The following VWF variants were observed in gnomAD, a reference collection of about 807,000 sequenced individuals.
VWF encodes Factor VIII related antigen.
VWF carries 176 observed loss-of-function variants against 308.6 expected under a neutral mutation model. The observed-to-expected ratio is 0.57, with a 90% CI of 0.50 to 0.65. VWF has a LOEUF of 0.65. VWF is among the 30% of genes least tolerant of loss of function. The pLI is 0.00. For synonymous variants in VWF, 1,385 were observed against 1,443.4 expected, an observed-to-expected ratio of 0.96 and a Z score of 0.92; for missense variants, 3,146 against 3,648.2, an observed-to-expected ratio of 0.86 and a Z score of 3.55.
intron 31 of VWF, among the ~76,000 whole-genome samples, chr12:6,013,912 A>G (rs1944025448): frequency 6.7e-6 from 1 of 150,108 alleles, no homozygotes; most frequent in Non-Finnish European, 1.5e-5. Flanking sequence ...ATAGACAACA[A>G]ACACACAAAC....
intron 3 of VWF, among the ~76,000 whole-genome samples, chr12:6,120,013 G>A (rs1247495011): frequency 6.6e-6 from 1 of 152,226 alleles, no homozygotes; most frequent in Non-Finnish European, 1.5e-5. Flanking sequence ...TCCCAGCAGA[G>A]TCAGGGCAGG....
At chr12:6,022,313 T>C (rs1944137998) in intron 26 of VWF, among the ~76,000 whole-genome samples, 1 of 152,072 alleles carries the variant, frequency 6.6e-6, no homozygotes, top group African/African-American at 2.4e-5. Flanking sequence ...CTCTTTCTGC[T>C]CTTCTGAATA....
rs773976969 is a variant in VWF at position 6,073,744 on chromosome 12, G to T, written c.875-3C>A. 3 of 1,613,864 alleles carry T rather than the reference G, an allele frequency of 1.9e-6. No individual in the cohort carries two copies. Among genetic ancestry groups the T allele is most frequent in the Non-Finnish European group, 2.5e-6 (3 of 1,179,986 alleles). On this transcript the variant is annotated splice_region_variant and splice_polypyrimidine_tract_variant and intron_variant, in intron 7 of 51. Transcript: ENST00000261405. ...CATACCAGCAGGGCACACTGGGCCT[G>T]AAAAGGAACATCAAAGGGGTCTACC...
In VWF at chr12:6,018,576, A is replaced by G. The variant is rs1335546904; in HGVS notation, c.4842T>C (p.Asp1614=). 8 of 1,587,248 alleles carry G rather than the reference A, an allele frequency of 5.0e-6. No individual in the cohort carries two copies. Among genetic ancestry groups the G allele is most frequent in the Non-Finnish European group, 6.0e-6 (7 of 1,157,050 alleles). Residue 1614 remains aspartate, a synonymous_variant, in exon 28 of 52, where the codon GAT becomes GAC. Transcript: ENST00000261405. ...TGTCTCCAGGCAGCCTCTTGATCTCATCAGAGGCAGGATTTCCGGTGACCA... is the reference window on the plus strand; with the variant it reads ...TGTCTCCAGGCAGCCTCTTGATCTCGTCAGAGGCAGGATTTCCGGTGACCA... The part of the protein sequence containing the change: ...VYMVTGNPAS[D]EIKRLPGDIQ...
At chr12:6,107,611 TGA>T (rs1404932632) in intron 5 of VWF, among the ~76,000 whole-genome samples, 2 of 152,026 alleles carry the variant, frequency 1.3e-5, no homozygotes, top group South Asian at 2.1e-4. Flanking sequence ...CTGGTAAAAA[TGA>T]GAGTCATTAC....
At chr12:6,081,646 T>C (rs1478118321) in intron 6 of VWF, among the ~76,000 whole-genome samples, 1 of 152,158 alleles carries the variant, frequency 6.6e-6, no homozygotes, top group Non-Finnish European at 1.5e-5. Context: ...CCTAAGTCAG[T>C]GGTTCTTAAG....
At chr12:6,062,913 G>C (rs1944670010) in intron 13 of VWF, 41 bp downstream of exon 13, 1 of 1,536,808 alleles carries the variant, frequency 6.5e-7, no homozygotes, top group Non-Finnish European at 8.9e-7. Flanking sequence ...ACTTTGTAAG[G>C]GTCGGGCCGC....
chr12:6,023,871 G>C, intron 24 of VWF, 84 bp from the exon 25 acceptor site: 1 of 1,520,558 alleles, frequency 6.6e-7, no homozygotes, highest in Non-Finnish European at 9.0e-7. Context: ...ATGTTCTGAT[G>C]GTCAATTTAA....
intron 2 of VWF, among the ~76,000 whole-genome samples, chr12:6,122,256 C>T (rs1293061586): frequency 3.9e-5 from 6 of 152,130 alleles, no homozygotes; most frequent in Non-Finnish European, 5.9e-5. Context: ...TAGCATTTTT[C>T]CATGTTTTAA....
chr12:6,058,366 G>A lies in VWF; in HGVS notation c.1534-322C>T, dbSNP rs1944615819. ...AAAGTGACTTGCCTAAGGTCAGGGA[G>A]GTAGTGGCGGAGCTAGGGTGAGTAG... On this transcript the variant is annotated intron_variant, in intron 13 of 51. Coordinates refer to ENST00000261405, the MANE Select transcript of VWF (RefSeq NM_000552.5). The surrounding 1 kb of genome is among the most constrained non-coding windows in gnomAD (Gnocchi z 4.9). Among the ~76,000 whole-genome samples the A allele has an allele frequency of 6.6e-6, 1 of 152,214 alleles. No homozygotes were observed. The highest frequency in any genetic ancestry group is 2.1e-4 in the South Asian group (1 of 4,838).
intron 38 of VWF, among the ~76,000 whole-genome samples, chr12:5,990,672 T>A (rs1220355700): frequency 1.6e-4 from 25 of 151,744 alleles, no homozygotes; most frequent in Non-Finnish European, 1.5e-5. Flanking sequence ...GTCTGTAGTA[T>A]CACTGTCAAG....
In VWF at chr12:6,012,073, A is replaced by G; in HGVS notation, c.5664+14T>C. On this transcript the variant is annotated intron_variant, in intron 33 of 51. Coordinates refer to ENST00000261405, the MANE Select transcript of VWF (RefSeq NM_000552.5). ...CTCTAACCTTTCTTTCAAAGTCAAC[A>G]GAAAGGAACTTACCCTCTTCTCATT... 6.2e-7 allele frequency: 1 copy of G among 1,614,018 alleles called. No homozygotes were observed. The highest frequency in any genetic ancestry group is 8.5e-7 in the Non-Finnish European group (1 of 1,179,900).
At chr12:5,995,788 C>T (rs1943801656) in intron 35 of VWF, among the ~76,000 whole-genome samples, 1 of 152,072 alleles carries the variant, frequency 6.6e-6, no homozygotes, top group South Asian at 2.1e-4. Context: ...AAAGTGATTC[C>T]ATCTTGCAAA....
Position 5,983,240 on chromosome 12 carries a change from T to C in VWF, c.6991A>G (p.Ser2331Gly), listed in dbSNP as rs776655299. ...TGAGGCACTGGGGGCAGGTCACAGC[T>C]CACTGGGTCACACACTGAGGGCCAG... ...PEYECVCDPV[S>G]CDLPPVPHCE... The change falls in exon 41 of 52, where the codon AGC (serine) becomes GGC (glycine). Residue 2331 changes from serine to glycine, a missense_variant. This residue lies in a region of VWF where 989 missense variants were observed against 1,117.4 expected (regional missense o/e 0.89). Coordinates refer to ENST00000261405, the MANE Select transcript of VWF (RefSeq NM_000552.5). 1.9e-6 allele frequency: 3 copies of C among 1,614,024 alleles called. 1 individual carries two copies. The Admixed American group carries it at 5.0e-5, about 27-fold the overall frequency.
chr12:5,951,886 A>G lies in VWF; in HGVS notation c.8116-3T>C. 1 of 1,614,184 alleles carries G rather than the reference A, an allele frequency of 6.2e-7. No individual in the cohort carries two copies. Among genetic ancestry groups the G allele is most frequent in the Non-Finnish European group, 8.5e-7 (1 of 1,180,020 alleles). The stretch of plus-strand genomic sequence containing the variant: ...CCTGGAATTTTCATAATTTTACCCT[A>G]AGAAAACAGCAAAATTTCAGGTTAG... On this transcript the variant is annotated splice_region_variant and splice_polypyrimidine_tract_variant and intron_variant, in intron 49 of 51. Transcript: ENST00000261405.
chr12:6,040,672 T>A (rs144640912), intron 18 of VWF, among the ~76,000 whole-genome samples: 4 of 152,352 alleles, frequency 2.6e-5, no homozygotes, highest in African/African-American at 9.6e-5. Context: ...GCGGTTTCTC[T>A]GCCCTTCATT....
rs1944612296 is a variant in VWF at position 6,058,212 on chromosome 12, G to A, written c.1534-168C>T. Among the ~76,000 whole-genome samples the A allele has an allele frequency of 2.0e-5, 3 of 152,268 alleles. No individual in the cohort carries two copies. The highest frequency in any genetic ancestry group is 4.1e-4 in the South Asian group (2 of 4,828). Reference sequence around the variant, plus strand: ...CTAGGCTGCAAAAGGGGGGGCGGGGGAAAGTGAACTGCAGTGTAAATTTAC... The same window carrying A: ...CTAGGCTGCAAAAGGGGGGGCGGGGAAAAGTGAACTGCAGTGTAAATTTAC... On this transcript the variant is annotated intron_variant, in intron 13 of 51. Transcript: ENST00000261405. This position sits in a 1 kb window ranked among gnomAD's most constrained non-coding sequence, Gnocchi z 4.9.
intron 34 of VWF, among the ~76,000 whole-genome samples, chr12:6,006,642 G>A (rs1943930424): frequency 6.6e-6 from 1 of 152,090 alleles, no homozygotes; most frequent in African/African-American, 2.4e-5. Flanking sequence ...AGCCAGGCAT[G>A]GTGGCACGTG....
intron 5 of VWF, among the ~76,000 whole-genome samples, chr12:6,100,351 A>G (rs1007317483): frequency 2.7e-5 from 4 of 148,324 alleles, no homozygotes; most frequent in African/African-American, 1.0e-4. Flanking sequence ...TCAGGGATCT[A>G]GAACTAGAAA....
Sources: gnomAD v4.1 joint callset for allele counts (sites outside exome capture counted in the v4.1 genomes callset) on GRCh38, gnomAD v4.1.1 for gene constraint, gnomAD v4.1.1 regional missense constraint, Gnocchi (gnomAD v3.1) non-coding constraint, MANE v1.5 for transcripts, NCBI Gene and HGNC (gene_info 2026-07-23, HGNC 2026-07-21) for gene names.